Variants in FBXW4 observed in about 807,000 individuals in gnomAD.
The protein encoded by FBXW4 is F-box/WD repeat-containing protein 4.
A neutral mutation model predicts 61.8 loss-of-function variants in FBXW4; 40 were observed. The ratio of observed to expected loss-of-function variants is 0.65; its 90% confidence interval spans 0.50 to 0.84. FBXW4 has a LOEUF of 0.84. Ranked by LOEUF, FBXW4 falls within the 40% of genes least tolerant of loss-of-function variation. The pLI, the probability that FBXW4 is intolerant of heterozygous loss-of-function variation, is 0.00. For missense variants in FBXW4, 672 were observed against 753.8 expected, an observed-to-expected ratio of 0.89 and a Z score of 1.27; for synonymous variants, 311 against 313.8, an observed-to-expected ratio of 0.99 and a Z score of 0.10.
intron 5 of FBXW4, among the ~76,000 whole-genome samples, chr10:101,649,139 C>G (rs774929118): frequency 3.3e-5 from 5 of 152,214 alleles, no homozygotes; most frequent in East Asian, 1.9e-4. Context: ...AATAATGAAG[C>G]ATGCTGAACT....
intron 1 of FBXW4, among the ~76,000 whole-genome samples, chr10:101,689,134 C>CAAA (rs35098665): frequency 1.5e-4 from 22 of 148,162 alleles, no homozygotes; most frequent in African/African-American, 4.7e-4. Context: ...GTTCCAGGTG[C>CAAA]AAAAAAAAAA....
At chr10:101,634,569 A>G (rs2063984974) in intron 5 of FBXW4, among the ~76,000 whole-genome samples, 1 of 149,340 alleles carries the variant, frequency 6.7e-6, no homozygotes, top group South Asian at 2.1e-4. Flanking sequence ...GTGGATCAGA[A>G]TAACGAATCC....
In FBXW4 at chr10:101,633,482, G is replaced by A. The variant is rs923241015; in HGVS notation, c.1236-8672C>T. Among the ~76,000 whole-genome samples the A allele has an allele frequency of 1.1e-4, 17 of 152,102 alleles. No homozygotes were observed. The East Asian group carries it at 2.5e-3, about 22-fold the overall frequency. On this transcript the variant is annotated intron_variant, in intron 5 of 8. Coordinates refer to ENST00000331272, the MANE Select transcript of FBXW4 (RefSeq NM_022039.4). ...GGTTAGGGGAGGGATAGCATTAGGA[G>A]AAATACCTAATGTAGATGATGGGTG...
chr10:101,623,519 A>C (rs576762884), intron 6 of FBXW4, among the ~76,000 whole-genome samples: 3 of 152,240 alleles, frequency 2.0e-5, no homozygotes, highest in Non-Finnish European at 4.4e-5. Context: ...TACTCCAAAA[A>C]ATAGCTTGGC....
Position 101,673,656 on chromosome 10 carries a change from T to A in FBXW4, c.839A>T (p.Gln280Leu). 1 of 1,613,710 alleles carries A rather than the reference T, an allele frequency of 6.2e-7. No homozygotes were observed. The highest frequency in any genetic ancestry group is 1.1e-5 in the South Asian group (1 of 91,076). The change falls in exon 3 of 9, where the codon CAG becomes CTG. Residue 280 changes from glutamine to leucine, a missense_variant. By Grantham distance (113) the Gln-to-Leu change is moderately radical (BLOSUM62 -2). Around this residue, in one of 5 missense-constraint regions of FBXW4, gnomAD observed 6 missense variants for 20.2 expected, o/e 0.30. Transcript: ENST00000331272. Reference protein sequence around the residue: ...KWRCSQMPWMQLEDDSLYISQ... With the variant: ...KWRCSQMPWMLLEDDSLYISQ... ...TATGTACAGAGAATCATCCTCTAGC[T>A]GCATCCAGGGCATCTGACTGAAATG...
At chr10:101,650,760 G>T (rs1292526453) in intron 5 of FBXW4, among the ~76,000 whole-genome samples, 1 of 152,206 alleles carries the variant, frequency 6.6e-6, no homozygotes, top group African/African-American at 2.4e-5. Context: ...AAAAAGCCCT[G>T]CAAGACAAAG....
intron 6 of FBXW4, among the ~76,000 whole-genome samples, chr10:101,621,464 G>T (rs1307577892): frequency 6.6e-6 from 1 of 152,142 alleles, no homozygotes; most frequent in Non-Finnish European, 1.5e-5. Context: ...GGAGTTCAAG[G>T]CTGCGGTGAG....
At chr10:101,668,519 T>C (rs559093192) in intron 4 of FBXW4, among the ~76,000 whole-genome samples, 1 of 152,274 alleles carries the variant, frequency 6.6e-6, no homozygotes, top group Admixed American at 6.5e-5. Context: ...TGTGTTGTTG[T>C]TTGTTTGTTG....
At chr10:101,685,534 G>T (rs1420049693) in intron 1 of FBXW4, among the ~76,000 whole-genome samples, 1 of 152,154 alleles carries the variant, frequency 6.6e-6, no homozygotes, top group East Asian at 1.9e-4. Flanking sequence ...ATAAAATAAA[G>T]ATTGCATGTT....
chr10:101,676,247 T>A, intron 2 of FBXW4, 94 bp downstream of exon 2: 2 of 911,164 alleles, frequency 2.2e-6, no homozygotes, highest in Non-Finnish European at 1.7e-6. Context: ...CCACCCAAGA[T>A]AGCCCCATTA....
At position 101,611,831 on chromosome 10, in the gene FBXW4, T is replaced by C; in HGVS notation, c.1443-62A>G. 2 of 1,566,604 alleles carry C rather than the reference T, an allele frequency of 1.3e-6. No individual in the cohort carries two copies. Among genetic ancestry groups the C allele is most frequent in the Admixed American group, 3.5e-5 (2 of 56,682 alleles). ...GTACCCTCCACCTCTACCCCAGCTT[T>C]CTTGGGCCTAGAGTGGCTGAGGGGA... On this transcript the variant is annotated intron_variant, in intron 7 of 8. Transcript: ENST00000331272. This position sits in a 1 kb window ranked among gnomAD's most constrained non-coding sequence, Gnocchi z 4.9.
chr10:101,654,046 T>C (rs563723209), intron 5 of FBXW4, among the ~76,000 whole-genome samples: 2 of 142,042 alleles, frequency 1.4e-5, no homozygotes, highest in African/African-American at 5.2e-5. Context: ...ACTTGAACCC[T>C]GGAGGCGGAA....
At chr10:101,637,461 AC>A (rs1330845295) in intron 5 of FBXW4, among the ~76,000 whole-genome samples, 1 of 150,086 alleles carries the variant, frequency 6.7e-6, no homozygotes, top group Non-Finnish European at 1.5e-5. Context: ...TAATCCCAGC[AC>A]TTTGGGAGAC....
At position 101,672,927 on chromosome 10, in the gene FBXW4, G is replaced by A; in HGVS notation, c.1128C>T (p.Asp376=). The change falls in exon 4 of 9, where the codon GAC becomes GAT. Residue 376 remains aspartate (D), a synonymous_variant. Coordinates refer to ENST00000331272, the MANE Select transcript of FBXW4 (RefSeq NM_022039.4). ...KGGIIVSGSR[D]RTAKVWPLAS... is the part of the protein sequence containing the mutation. Reference sequence around the variant, plus strand: ...GAGACCACCTCACCTTGGCCGTCCTGTCCCTGGAGCCACTCACAATGATGC... The same window carrying A: ...GAGACCACCTCACCTTGGCCGTCCTATCCCTGGAGCCACTCACAATGATGC... 1.2e-6 allele frequency: 2 copies of A among 1,613,764 alleles called. No individual in the cohort carries two copies. Among genetic ancestry groups the A allele is most frequent in the East Asian group, 4.5e-5 (2 of 44,868 alleles).
Position 101,694,360 on chromosome 10 carries a change from G to A in FBXW4, c.725+21C>T. On this transcript the variant is annotated intron_variant, in intron 1 of 8. Transcript: ENST00000331272. This position sits in a 1 kb window ranked among gnomAD's most constrained non-coding sequence, Gnocchi z 6.0. Reference sequence around the variant, plus strand: ...CGGGGCCGGCTCGGGGCGGGGAGCGGGCGGGCGAGCGGACGCTTACAGGTC... The same window carrying A: ...CGGGGCCGGCTCGGGGCGGGGAGCGAGCGGGCGAGCGGACGCTTACAGGTC... 1 of 1,356,962 alleles carries A rather than the reference G, an allele frequency of 7.4e-7. No homozygotes were observed. Among genetic ancestry groups the A allele is most frequent in the Non-Finnish European group, 9.4e-7 (1 of 1,062,464 alleles). 84.1% of individuals were successfully genotyped at this position (1,356,962 alleles called of 1,614,324 possible). A position where few individuals can be genotyped will look rare whatever the true frequency, so the allele number is the denominator to read the frequency against.
chr10:101,693,386 T>G (rs2064632478), intron 1 of FBXW4, among the ~76,000 whole-genome samples: 1 of 152,216 alleles, frequency 6.6e-6, no homozygotes, highest in African/African-American at 2.4e-5. Context: ...AGCTGAACAC[T>G]ACATGTAAGT....
At chr10:101,630,497 T>A (rs2063943785) in intron 5 of FBXW4, among the ~76,000 whole-genome samples, 1 of 152,132 alleles carries the variant, frequency 6.6e-6, no homozygotes, top group African/African-American at 2.4e-5. Context: ...GAGGGAGTCA[T>A]TAGAACATGT....
chr10:101,624,340 T>C (rs1225000890), intron 6 of FBXW4, among the ~76,000 whole-genome samples: 3 of 152,204 alleles, frequency 2.0e-5, no homozygotes, highest in Non-Finnish European at 2.9e-5. Context: ...AGGCAGAGAA[T>C]TGTGAATAAA....
At chr10:101,612,514 G>C in intron 6 of FBXW4, 37 bp from the exon 7 acceptor site, 1 of 1,512,962 alleles carries the variant, frequency 6.6e-7, no homozygotes, top group Middle Eastern at 1.8e-4. Flanking sequence ...GCTGCTCCAC[G>C]TGGGTCATAC....
Sources: allele counts gnomAD v4.1 joint callset (sites outside exome capture counted in the v4.1 genomes callset), GRCh38; gene constraint gnomAD v4.1.1; regional missense constraint gnomAD v4.1.1; non-coding constraint Gnocchi (gnomAD v3.1); transcripts MANE v1.5; gene names NCBI Gene and HGNC (gene_info 2026-07-23, HGNC 2026-07-21).